The following ZNF253 variants were observed in gnomAD, a reference collection of about 807,000 sequenced individuals.
ZNF253 encodes zinc finger protein 253, also known as DNA-binding protein.
ZNF253 carries 8 observed loss-of-function variants against 11.9 expected under a neutral mutation model. That is an observed-to-expected ratio of 0.67 (90% CI 0.40 to 1.22). The LOEUF (loss-of-function observed/expected upper bound fraction) is 1.22, where lower values mean the gene tolerates loss of function less well. ZNF253 is among the 50% of genes most tolerant of loss of function. The pLI is 0.01. For missense variants in ZNF253, 485 were observed against 586.9 expected (o/e 0.83, Z 1.79); for synonymous variants, 194 against 194.9 (o/e 1.00, Z 0.04).
intron 3 of ZNF253, among the ~76,000 whole-genome samples, chr19:19,888,032 C>A (rs762860170): frequency 6.6e-6 from 1 of 151,264 alleles, no homozygotes; most frequent in Non-Finnish European, 1.5e-5. Flanking sequence ...AATAGTTTTC[C>A]GAAAGAGAAA....
chr19:19,891,382 A>G (rs2063228826), intron 3 of ZNF253, 92 bp from the exon 4 acceptor site: 1 of 1,076,542 alleles, frequency 9.3e-7, no homozygotes, highest in African/African-American at 1.6e-5. Flanking sequence ...CATCTTGCTT[A>G]TGTAGTTTGT....
At chr19:19,869,560 C>T (rs2063124106) in intron 1 of ZNF253, among the ~76,000 whole-genome samples, 1 of 150,328 alleles carries the variant, frequency 6.7e-6, no homozygotes, top group African/African-American at 2.5e-5. Flanking sequence ...GCGGTTTTTC[C>T]ATGTTGATCA....
At chr19:19,869,590 A>G (rs1407718341) in intron 1 of ZNF253, among the ~76,000 whole-genome samples, 1 of 145,160 alleles carries the variant, frequency 6.9e-6, no homozygotes, top group African/African-American at 2.6e-5. Flanking sequence ...TGAACTCCTG[A>G]CCTCAGGTGA....
chr19:19,888,625 T>C (rs902548113), intron 3 of ZNF253, among the ~76,000 whole-genome samples: 1 of 152,194 alleles, frequency 6.6e-6, no homozygotes, highest in Non-Finnish European at 1.5e-5. Context: ...CCTTCAACTT[T>C]GTTATTGATT....
At chr19:19,874,538 G>A (rs2063146728) in intron 1 of ZNF253, among the ~76,000 whole-genome samples, 1 of 149,522 alleles carries the variant, frequency 6.7e-6, no homozygotes, top group African/African-American at 2.5e-5. Flanking sequence ...AATTACCCTA[G>A]AAAACCTTTG....
intron 1 of ZNF253, among the ~76,000 whole-genome samples, chr19:19,869,794 C>T (rs373901630): frequency 1.6e-4 from 24 of 150,822 alleles, no homozygotes; most frequent in Non-Finnish European, 1.8e-4. Flanking sequence ...CTCAGCCTCC[C>T]GAGTGGCTGG....
intron 2 of ZNF253, among the ~76,000 whole-genome samples, chr19:19,879,228 A>T (rs1011819040): frequency 6.6e-6 from 1 of 152,186 alleles, no homozygotes; most frequent in South Asian, 2.1e-4. Flanking sequence ...GTAAAAAAAA[A>T]TTAAATAAAA....
chr19:19,878,682 A>C, intron 2 of ZNF253, 75 bp downstream of exon 2: 1 of 1,513,602 alleles, frequency 6.6e-7, no homozygotes, highest in African/African-American at 1.4e-5. Flanking sequence ...AATGTTTGTT[A>C]GTAATTTATT....
intron 1 of ZNF253, among the ~76,000 whole-genome samples, chr19:19,873,452 G>A (rs1300311780): frequency 6.6e-6 from 1 of 152,120 alleles, no homozygotes; most frequent in Non-Finnish European, 1.5e-5. Context: ...AGTCTCCTAG[G>A]TGTATTTGAG....
intron 1 of ZNF253, among the ~76,000 whole-genome samples, chr19:19,876,254 T>C (rs897884501): frequency 2.0e-5 from 3 of 152,060 alleles, no homozygotes; most frequent in Admixed American, 6.6e-5. Context: ...TGCAGAATCA[T>C]ATTACATAAA....
chr19:19,884,248 A>G (rs1311715277), intron 3 of ZNF253, among the ~76,000 whole-genome samples: 1 of 152,186 alleles, frequency 6.6e-6, no homozygotes, highest in Non-Finnish European at 1.5e-5. Context: ...TTATAAATCA[A>G]GGGACATCTG....
chr19:19,866,031 G>A (rs1568492596), intron 1 of ZNF253, 32 bp downstream of exon 1: 1 of 1,614,122 alleles, frequency 6.2e-7, no homozygotes. Flanking sequence ...CCGAGAGAGG[G>A]GAGAGGCTGT....
rs2063126616 is a variant in ZNF253, at chr19:19,869,873, G to A, written c.3+3874G>A. The stretch of plus-strand genomic sequence containing the variant: ...TTTAGTAGAGACAGGATTTCACCAT[G>A]TTGGTCAGACTGGTCTCGAACTCCT... On this transcript the variant is annotated intron_variant, in intron 1 of 3. Transcript: ENST00000589717. 2.0e-5 allele frequency among the ~76,000 whole-genome samples: 3 copies of A among 151,338 alleles called. No individual in the cohort carries two copies. The South Asian group carries it at 6.3e-4, about 32-fold the overall frequency.
chr19:19,891,839 A>G lies in ZNF253; in HGVS notation c.592A>G (p.Lys198Glu). 1.2e-6 allele frequency: 2 copies of G among 1,614,208 alleles called. No homozygotes were observed. Among genetic ancestry groups the G allele is most frequent in the Non-Finnish European group, 1.7e-6 (2 of 1,180,028 alleles). The part of the protein sequence containing the change: ...TTHKKIHTGE[K>E]PYRCEECGKA... ...ACATAAGAAAATTCATACTGGAGAG[A>G]AACCTTACAGATGTGAAGAATGTGG... Residue 198 changes from lysine (K) to glutamate (E), a missense_variant, in exon 4 of 4, where the codon AAA becomes GAA. Around this residue, in one of 3 missense-constraint regions of ZNF253, gnomAD observed 218 missense variants for 213.1 expected, o/e 1.02. Coordinates refer to ENST00000589717, the MANE Select transcript of ZNF253 (RefSeq NM_021047.3).
At chr19:19,885,279 C>CT (rs367969173) in intron 3 of ZNF253, among the ~76,000 whole-genome samples, 1 of 33,922 alleles carries the variant, frequency 2.9e-5, no homozygotes, top group Non-Finnish European at 4.6e-5. Flanking sequence ...TTCTTTCTTT[C>CT]TTTCTTTCTT....
Position 19,878,582 on chromosome 19 carries a change from G to T in ZNF253, c.105G>T (p.Glu35Asp). The change falls in exon 2 of 4, where the codon GAG (glutamate) becomes GAT (aspartate). Residue 35 changes from glutamate (E) to aspartate (D), a missense_variant. Physicochemically the swap from Glu to Asp is conservative, Grantham distance 45 (BLOSUM62 2). Around this residue, in one of 3 missense-constraint regions of ZNF253, gnomAD observed 35 missense variants for 52.4 expected, o/e 0.67. Coordinates refer to ENST00000589717, the MANE Select transcript of ZNF253 (RefSeq NM_021047.3). ...QRNLYRDVMLENYRNLVFLGI... is the reference protein window; with the variant it reads ...QRNLYRDVMLDNYRNLVFLGI... ...ATTTATATAGGGATGTGATGTTAGAGAACTACAGAAACTTGGTCTTCCTTG... is the reference window on the plus strand; with the variant it reads ...ATTTATATAGGGATGTGATGTTAGATAACTACAGAAACTTGGTCTTCCTTG... 6.2e-7 allele frequency: 1 copy of T among 1,613,606 alleles called. No homozygotes were observed.
At chr19:19,882,627 T>C (rs2063182469) in intron 3 of ZNF253, among the ~76,000 whole-genome samples, 1 of 152,182 alleles carries the variant, frequency 6.6e-6, no homozygotes, top group African/African-American at 2.4e-5. Flanking sequence ...TATTACAATT[T>C]TAGACAATTT....
intron 3 of ZNF253, among the ~76,000 whole-genome samples, chr19:19,888,968 G>A (rs1032873217): frequency 6.6e-6 from 1 of 151,592 alleles, no homozygotes; most frequent in African/African-American, 2.4e-5. Context: ...CAATTTTGCC[G>A]ATGGTATTAT....
At chr19:19,872,117 A>C (rs554651265) in intron 1 of ZNF253, among the ~76,000 whole-genome samples, 3 of 152,168 alleles carry the variant, frequency 2.0e-5, no homozygotes, top group African/African-American at 7.2e-5. Flanking sequence ...CAATCGTTTT[A>C]TCTCTCTTAG....
Sources: gnomAD v4.1 joint callset for allele counts (sites outside exome capture counted in the v4.1 genomes callset) on GRCh38, gnomAD v4.1.1 for gene constraint, gnomAD v4.1.1 regional missense constraint, MANE v1.5 for transcripts, NCBI Gene and HGNC (gene_info 2026-07-23, HGNC 2026-07-21) for gene names.